Variants in CPNE4 observed in about 807,000 individuals in gnomAD.
CPNE4 encodes the protein copine 4, also known as copine-4.
Under a neutral mutation model 67.9 loss-of-function variants are expected in CPNE4, and 25 were observed. The observed-to-expected ratio is 0.37, with a 90% CI of 0.27 to 0.51. The LOEUF (loss-of-function observed/expected upper bound fraction) is 0.51. CPNE4 is among the 20% of genes least tolerant of loss of function. CPNE4 has a pLI of 0.93. For synonymous variants in CPNE4, 242 were observed against 244.9 expected, an observed-to-expected ratio of 0.99 and a Z score of 0.11; for missense variants, 464 against 690.8, an observed-to-expected ratio of 0.67 and a Z score of 3.68.
chr3:131,787,712 G>A (rs1330272283), intron 2 of CPNE4, among the ~76,000 whole-genome samples: 1 of 152,138 alleles, frequency 6.6e-6, no homozygotes, highest in Non-Finnish European at 1.5e-5. Context: ...TTACCAAGAT[G>A]TCTGCCTTCT....
chr3:131,899,707 G>T (rs2088477713), intron 2 of CPNE4, among the ~76,000 whole-genome samples: 1 of 152,114 alleles, frequency 6.6e-6, no homozygotes. Flanking sequence ...CATCAACACA[G>T]ATTGATGGCT....
intron 6 of CPNE4, among the ~76,000 whole-genome samples, chr3:131,674,006 A>AT (rs35368088): frequency 0.32 from 47,433 of 150,434 alleles, 7,836 homozygotes; most frequent in African/African-American, 0.42. Context: ...AGTTTTTTGC[A>AT]TTTTTTTTTA....
chr3:131,978,068 A>AATATATATAAATATATATAAAT (rs1560719830), intron 1 of CPNE4, among the ~76,000 whole-genome samples: 3 of 35,786 alleles, frequency 8.4e-5, no homozygotes, highest in Admixed American at 7.4e-4. Context: ...AATATATATA[A>AATATATATAAATATATATAAAT]ATATATATAA....
chr3:131,538,623 G>T (rs138518425), intron 15 of CPNE4, among the ~76,000 whole-genome samples: 1 of 152,184 alleles, frequency 6.6e-6, no homozygotes, highest in Non-Finnish European at 1.5e-5. Flanking sequence ...TAAATAACTT[G>T]CCCAGAGTCA....
intron 1 of CPNE4, among the ~76,000 whole-genome samples, chr3:131,968,694 G>T (rs182067903): frequency 1.6e-4 from 24 of 152,270 alleles, no homozygotes; most frequent in African/African-American, 5.8e-4. Flanking sequence ...TCATTAAAAA[G>T]TCAGGAAACA....
intron 9 of CPNE4, among the ~76,000 whole-genome samples, chr3:131,579,369 G>A (rs1437615288): frequency 6.6e-6 from 1 of 152,202 alleles, no homozygotes; most frequent in Non-Finnish European, 1.5e-5. Flanking sequence ...TGATGGAGAT[G>A]TGCAAGGGGT....
intron 1 of CPNE4, among the ~76,000 whole-genome samples, chr3:131,916,133 A>G (rs1288672274): frequency 6.6e-6 from 1 of 152,316 alleles, no homozygotes; most frequent in South Asian, 2.1e-4. Flanking sequence ...AGAGAGAAAA[A>G]GCAAACTTAA....
At chr3:131,743,459 T>C (rs2082403220) in intron 2 of CPNE4, among the ~76,000 whole-genome samples, 1 of 152,060 alleles carries the variant, frequency 6.6e-6, no homozygotes, top group African/African-American at 2.4e-5. Context: ...CCCAAAAAAG[T>C]AGAAAAATAG....
intron 7 of CPNE4, among the ~76,000 whole-genome samples, chr3:131,591,553 C>T (rs1938532671): frequency 6.6e-6 from 1 of 152,138 alleles, no homozygotes; most frequent in Admixed American, 6.5e-5. Flanking sequence ...AGGGAGTGAC[C>T]AGCAGGCCTC....
At chr3:131,622,924 A>G (rs1401530300) in intron 7 of CPNE4, among the ~76,000 whole-genome samples, 1 of 152,138 alleles carries the variant, frequency 6.6e-6, no homozygotes, top group Non-Finnish European at 1.5e-5. Context: ...GGGTTTCATC[A>G]CTTTTTGTTG....
At chr3:131,792,632 C>CACGTGTATATATGTATATATATATAT (rs2083765940) in intron 2 of CPNE4, among the ~76,000 whole-genome samples, 1 of 72,400 alleles carries the variant, frequency 1.4e-5, no homozygotes, top group African/African-American at 5.7e-5. Flanking sequence ...TATATATATA[C>CACGTGTATATATGTATATATATATAT]ACACGTGTAT....
intron 15 of CPNE4, among the ~76,000 whole-genome samples, chr3:131,541,356 C>A (rs1559866090): frequency 6.6e-6 from 1 of 152,100 alleles, no homozygotes; most frequent in Non-Finnish European, 1.5e-5. Flanking sequence ...GTATCAAAAC[C>A]TGGGAAGGTG....
At chr3:131,805,907 T>A (rs1309084587) in intron 2 of CPNE4, among the ~76,000 whole-genome samples, 1 of 152,242 alleles carries the variant, frequency 6.6e-6, no homozygotes, top group Non-Finnish European at 1.5e-5. Context: ...AGGTCACATT[T>A]TAAGAGGAGC....
chr3:131,711,146 G>T (rs2081546892), intron 3 of CPNE4, among the ~76,000 whole-genome samples: 1 of 152,140 alleles, frequency 6.6e-6, no homozygotes, highest in African/African-American at 2.4e-5. Flanking sequence ...AGTGTAAACC[G>T]GACAGGCAGG....
intron 1 of CPNE4, among the ~76,000 whole-genome samples, chr3:131,914,944 C>A (rs961501833): frequency 2.0e-5 from 3 of 152,082 alleles, no homozygotes; most frequent in African/African-American, 7.2e-5. Flanking sequence ...CCACTGCACT[C>A]CAGCCTAGGC....
At chr3:131,641,156 G>C (rs1472534566) in intron 7 of CPNE4, among the ~76,000 whole-genome samples, 1 of 151,984 alleles carries the variant, frequency 6.6e-6, no homozygotes, top group African/African-American at 2.4e-5. Flanking sequence ...CAAAAATAAA[G>C]ATAAATGGAT....
At chr3:131,662,935 C>G (rs568610930) in intron 7 of CPNE4, among the ~76,000 whole-genome samples, 16 of 152,084 alleles carry the variant, frequency 1.1e-4, no homozygotes, top group Non-Finnish European at 1.8e-4. Flanking sequence ...CCAGAAATAC[C>G]ATTTGACCCA....
At chr3:131,722,118 CT>C (rs1429335468) in intron 3 of CPNE4, among the ~76,000 whole-genome samples, 1 of 152,138 alleles carries the variant, frequency 6.6e-6, no homozygotes, top group Admixed American at 6.5e-5. Flanking sequence ...GGAGAAATTT[CT>C]TTTAGTGATA....
intron 1 of CPNE4, among the ~76,000 whole-genome samples, chr3:131,938,273 C>G (rs1442650645): frequency 6.6e-6 from 1 of 151,920 alleles, no homozygotes; most frequent in Non-Finnish European, 1.5e-5. Flanking sequence ...CGGAGGATCA[C>G]TTGAGCCTGG....
Sources: gnomAD v4.1 joint callset for allele counts (sites outside exome capture counted in the v4.1 genomes callset) on GRCh38, gnomAD v4.1.1 for gene constraint, MANE v1.5 for transcripts, NCBI Gene and HGNC (gene_info 2026-07-23, HGNC 2026-07-21) for gene names.